CACNA1D: variants seen among roughly 807,000 people sequenced by gnomAD.
The protein encoded by CACNA1D is voltage-dependent L-type calcium channel subunit alpha-1D.
A neutral mutation model predicts 257.1 loss-of-function variants in CACNA1D; 55 were observed. The ratio of observed to expected loss-of-function variants is 0.21; its 90% CI spans 0.17 to 0.27. The LOEUF (loss-of-function observed/expected upper bound fraction) is 0.27, where lower values mean the gene tolerates loss of function less well. CACNA1D is among the 10% of genes least tolerant of loss of function. The probability of loss-of-function intolerance (pLI) is 1.00; values close to 1 mark genes in which losing one functional copy is unlikely to be tolerated. For missense variants in CACNA1D, 1,876 were observed against 2,784.0 expected (o/e 0.67, Z 7.34); for synonymous variants, 980 against 1,014.9 (o/e 0.97, Z 0.65).
chr3:53,576,432 G>A (rs980390087), intron 3 of CACNA1D, among the ~76,000 whole-genome samples: 2 of 152,126 alleles, frequency 1.3e-5, no homozygotes, highest in African/African-American at 4.8e-5. Flanking sequence ...AGAATTACTC[G>A]AGGCCATTGA....
chr3:53,713,590 C>T (rs35377175), intron 9 of CACNA1D, among the ~76,000 whole-genome samples: 32,452 of 150,622 alleles, frequency 0.22, 3,824 homozygotes, highest in African/African-American at 0.26. Flanking sequence ...TTGGCTGAGA[C>T]GAATGTCGTC....
At chr3:53,720,141 G>T (rs116563538) in intron 11 of CACNA1D, among the ~76,000 whole-genome samples, 1,547 of 152,254 alleles carry the variant, frequency 0.01, 28 homozygotes, top group African/African-American at 0.034. Context: ...ATTTCTTGAT[G>T]TGCATGCGGG....
intron 7 of CACNA1D, among the ~76,000 whole-genome samples, chr3:53,669,158 C>A (rs750185736): frequency 5.3e-5 from 8 of 152,222 alleles, no homozygotes; most frequent in Non-Finnish European, 1.2e-4. Context: ...TTTTAATTAC[C>A]TGTTGATTGC....
At chr3:53,798,440 G>T (rs1426015943) in intron 40 of CACNA1D, among the ~76,000 whole-genome samples, 3 of 152,204 alleles carry the variant, frequency 2.0e-5, no homozygotes, top group Non-Finnish European at 4.4e-5. Flanking sequence ...GGACAGGAGA[G>T]CAAGAAGCAG....
intron 3 of CACNA1D, among the ~76,000 whole-genome samples, chr3:53,623,788 C>T (rs1198930695): frequency 6.6e-6 from 1 of 152,316 alleles, no homozygotes; most frequent in Middle Eastern, 3.4e-3. Context: ...CTCTGATTCT[C>T]CCCTTTTGAC....
intron 2 of CACNA1D, among the ~76,000 whole-genome samples, chr3:53,499,411 C>T (rs989353812): frequency 1.2e-4 from 18 of 152,138 alleles, no homozygotes; most frequent in African/African-American, 4.1e-4. Context: ...AGGCCCCATC[C>T]GCAGTGGGAG....
intron 30 of CACNA1D, 66 bp downstream of exon 30, chr3:53,762,147 C>G (rs1205148060): frequency 6.0e-6 from 6 of 998,638 alleles, no homozygotes; most frequent in Non-Finnish European, 9.7e-6. Context: ...TACTCCGCTC[C>G]CTGCCCTGCA....
chr3:53,509,167 TTGGC>T (rs753100044), intron 3 of CACNA1D, among the ~76,000 whole-genome samples: 1 of 152,046 alleles, frequency 6.6e-6, no homozygotes, highest in Non-Finnish European at 1.5e-5. Context: ...GTAAGGGTGT[TTGGC>T]TGGGCAGGCA....
chr3:53,621,690 A>G (rs889804619), intron 3 of CACNA1D, among the ~76,000 whole-genome samples: 1 of 152,234 alleles, frequency 6.6e-6, no homozygotes, highest in African/African-American at 2.4e-5. Context: ...TAAGCCACTA[A>G]TTGGGAGAAA....
chr3:53,745,240 TC>T (rs2095156764), intron 23 of CACNA1D, among the ~76,000 whole-genome samples: 1 of 144,886 alleles, frequency 6.9e-6, no homozygotes, highest in South Asian at 2.1e-4. Context: ...TAGCATTTCT[TC>T]TTTTTTTTTT....
At chr3:53,524,128 G>C (rs2091677533) in intron 3 of CACNA1D, among the ~76,000 whole-genome samples, 1 of 152,226 alleles carries the variant, frequency 6.6e-6, no homozygotes, top group Admixed American at 6.5e-5. Context: ...CCATGGTGAG[G>C]GGAGGATGGG....
chr3:53,806,215 C>T, intron 45 of CACNA1D, among the ~76,000 whole-genome samples: 1 of 142,354 alleles, frequency 7.0e-6, no homozygotes. Context: ...CATCTTCCCT[C>T]CTCCCCCTTC....
intron 23 of CACNA1D, 37 bp downstream of exon 23, chr3:53,744,864 G>T (rs780632931): frequency 9.8e-6 from 12 of 1,230,246 alleles, no homozygotes; most frequent in Non-Finnish European, 1.4e-5. Context: ...GCTGGCTTGG[G>T]TTGGGGTTGG....
intron 27 of CACNA1D, among the ~76,000 whole-genome samples, chr3:53,750,528 A>G (rs1006334589): frequency 2.6e-5 from 4 of 152,220 alleles, no homozygotes; most frequent in African/African-American, 7.2e-5. Flanking sequence ...ATGTGAGAAC[A>G]TGCCGGTTTG....
At chr3:53,744,944 A>C (rs942800130) in intron 23 of CACNA1D, 117 bp downstream of exon 23, 1 of 680,890 alleles carries the variant, frequency 1.5e-6, no homozygotes, top group African/African-American at 1.8e-5. Flanking sequence ...AGTTATAAGG[A>C]CCTTTCTAAC....
intron 12 of CACNA1D, 80 bp downstream of exon 12, chr3:53,722,554 T>A: frequency 7.3e-7 from 1 of 1,366,824 alleles, no homozygotes; most frequent in South Asian, 1.2e-5. Flanking sequence ...TCTTATCTGA[T>A]CGCTGCATGA....
Position 53,809,984 on chromosome 3 carries a change from G to T in CACNA1D, c.5878G>T (p.Ala1960Ser). ...PLHLMQQQIM[A>S]VAGLDSSKAQ... is the part of the protein sequence containing the mutation. ...CAGTCCCCTCTTTCCTCAGATCATG[G>T]CAGTTGCCGGCCTAGATTCAAGTAA... The change falls in exon 47 of 48, where the codon GCA becomes TCA. Residue 1960 changes from alanine (A) to serine (S), a missense_variant. Physicochemically the swap from Ala to Ser is moderately conservative, Grantham distance 99. This residue lies in a region of CACNA1D where 491 missense variants were observed against 554.3 expected (regional missense o/e 0.89). Transcript: ENST00000350061. 6.2e-7 allele frequency: 1 copy of T among 1,614,020 alleles called. No homozygotes were observed. Among genetic ancestry groups the T allele is most frequent in the East Asian group, 2.2e-5 (1 of 44,878 alleles).
intron 5 of CACNA1D, among the ~76,000 whole-genome samples, chr3:53,661,696 C>T (rs1029896987): frequency 6.6e-5 from 10 of 152,102 alleles, no homozygotes; most frequent in Non-Finnish European, 1.2e-4. Flanking sequence ...TGCGTGTGTG[C>T]GTGCGAGCTT....
intron 15 of CACNA1D, among the ~76,000 whole-genome samples, chr3:53,727,564 C>T (rs2094948170): frequency 6.6e-6 from 1 of 152,124 alleles, no homozygotes; most frequent in Admixed American, 6.5e-5. Flanking sequence ...TGTCGAGAGG[C>T]ACCCTCTAAT....
Sources: gnomAD v4.1 joint callset for allele counts (sites outside exome capture counted in the v4.1 genomes callset) on GRCh38, gnomAD v4.1.1 for gene constraint, gnomAD v4.1.1 regional missense constraint, MANE v1.5 for transcripts, NCBI Gene and HGNC (gene_info 2026-07-23, HGNC 2026-07-21) for gene names.